LRRC37A2: variants seen among roughly 807,000 people sequenced by gnomAD.
LRRC37A2 encodes leucine-rich repeat-containing protein 37A2.
In LRRC37A2, 9 loss-of-function variants were observed where a neutral mutation model predicts 68.8. The observed-to-expected ratio is 0.13, with a 90% confidence interval of 0.08 to 0.23. The LOEUF is 0.23. Ranked by LOEUF, LRRC37A2 falls within the 10% of genes least tolerant of loss-of-function variation. The pLI, the probability that LRRC37A2 is intolerant of heterozygous loss-of-function variation, is 1.00. For missense variants in LRRC37A2, 168 were observed against 950.4 expected (o/e 0.18, Z 10.82); for synonymous variants, 63 against 367.6 (o/e 0.17, Z 9.48).
At chr17:46,943,060 G>A in the LRRC37A2 span, among the ~76,000 whole-genome samples, 1,151 of 152,304 alleles carry the variant, frequency 7.6e-3, 5 homozygotes, top group South Asian at 0.014. Context: ...GAGTGCAGCC[G>A]GGGCATTGGG....
the LRRC37A2 span, among the ~76,000 whole-genome samples, chr17:46,790,218 C>A: frequency 6.6e-6 from 1 of 152,154 alleles, no homozygotes; most frequent in African/African-American, 2.4e-5. Context: ...TTGCAACAGG[C>A]GCCTGGGTTT....
the LRRC37A2 span, chr17:46,923,169 G>T: frequency 2.0e-6 from 3 of 1,482,556 alleles, no homozygotes; most frequent in Non-Finnish European, 1.8e-6. Context: ...CAGAGCCGGA[G>T]CCGTGGCCTG....
chr17:47,000,081 T>TAA, the LRRC37A2 span, among the ~76,000 whole-genome samples: 79 of 15,270 alleles, frequency 5.2e-3, 2 homozygotes, highest in African/African-American at 0.013. Flanking sequence ...AAATAAAAAA[T>TAA]AAAATAAAAT....
the LRRC37A2 span, among the ~76,000 whole-genome samples, chr17:46,826,317 C>A: frequency 6.6e-6 from 1 of 152,222 alleles, no homozygotes; most frequent in Non-Finnish European, 1.5e-5. Context: ...TGGATGGAGG[C>A]CCAGTGGGCT....
At chr17:46,986,907 A>G in the LRRC37A2 span, among the ~76,000 whole-genome samples, 2 of 137,848 alleles carry the variant, frequency 1.5e-5, no homozygotes, top group Non-Finnish European at 3.2e-5. Context: ...GCAGTCCCAC[A>G]GAGGAATAGC....
chr17:46,979,157 C>T, the LRRC37A2 span: 1 of 852,966 alleles, frequency 1.2e-6, no homozygotes, highest in Non-Finnish European at 1.6e-6. Flanking sequence ...TGCCTGCGCG[C>T]TCTCGGGCCG....
chr17:47,042,151 A>T, the LRRC37A2 span: 1 of 143,928 alleles, frequency 6.9e-6, no homozygotes, highest in Non-Finnish European at 1.5e-5. Flanking sequence ...CCACAGACTA[A>T]TTAACTATTT....
the LRRC37A2 span, among the ~76,000 whole-genome samples, chr17:46,800,442 A>C: frequency 6.6e-6 from 1 of 152,198 alleles, no homozygotes; most frequent in South Asian, 2.1e-4. Flanking sequence ...TGCTCCTGCA[A>C]CACTCAGGAT....
the LRRC37A2 span, chr17:47,017,241 C>T: frequency 1.1e-5 from 18 of 1,611,774 alleles, no homozygotes; most frequent in Middle Eastern, 2.3e-4. Context: ...GTCCCGGCTG[C>T]GTTTCTGGGG....
chr17:46,830,629 A>C, the LRRC37A2 span: 1 of 398,634 alleles, frequency 2.5e-6, no homozygotes, highest in Non-Finnish European at 4.4e-6. Flanking sequence ...TTTTTTCTCC[A>C]GAATTTAAGA....
the LRRC37A2 span, among the ~76,000 whole-genome samples, chr17:46,873,016 G>A: frequency 2.6e-5 from 4 of 151,782 alleles, no homozygotes; most frequent in Admixed American, 1.3e-4. Context: ...AAGAGAGGAG[G>A]AGACACAAGC....
the LRRC37A2 span, chr17:47,019,452 G>T: frequency 1.9e-6 from 3 of 1,608,610 alleles, no homozygotes; most frequent in South Asian, 3.3e-5. Context: ...CCTAGGGCTT[G>T]CCATAACTCC....
the LRRC37A2 span, among the ~76,000 whole-genome samples, chr17:46,794,790 A>G: frequency 1.5e-5 from 2 of 136,968 alleles, no homozygotes; most frequent in East Asian, 4.2e-4. Flanking sequence ...TTGCTCTGTC[A>G]CTCAGGCTGG....
At chr17:46,895,257 C>G in the LRRC37A2 span, among the ~76,000 whole-genome samples, 1 of 152,254 alleles carries the variant, frequency 6.6e-6, no homozygotes, top group East Asian at 1.9e-4. Flanking sequence ...CCCACCCTAG[C>G]CCCACAAGTG....
chr17:46,388,315 G>A, the LRRC37A2 span, among the ~76,000 whole-genome samples: 1 of 29,408 alleles, frequency 3.4e-5, no homozygotes, highest in African/African-American at 1.1e-4. Context: ...TTGGGAGGCT[G>A]AGGTGGGCGG....
At chr17:46,775,861 C>G in the LRRC37A2 span, among the ~76,000 whole-genome samples, 1 of 152,066 alleles carries the variant, frequency 6.6e-6, no homozygotes, top group African/African-American at 2.4e-5. Flanking sequence ...GATCCACACA[C>G]CTCGGCCTCC....
the LRRC37A2 span, among the ~76,000 whole-genome samples, chr17:46,456,499 T>G: frequency 0.15 from 2,542 of 16,650 alleles, 10 homozygotes; most frequent in Middle Eastern, 0.29. Flanking sequence ...ACTGGCAGCA[T>G]TTCCCCCTCA....
At chr17:46,803,100 C>T in the LRRC37A2 span, among the ~76,000 whole-genome samples, 210 of 152,308 alleles carry the variant, frequency 1.4e-3, no homozygotes, top group Middle Eastern at 0.01. Context: ...GATTAGAGGA[C>T]GCTGGCTGAT....
At chr17:46,928,899 T>G in the LRRC37A2 span, among the ~76,000 whole-genome samples, 1 of 152,152 alleles carries the variant, frequency 6.6e-6, no homozygotes. Flanking sequence ...CTTACCTGGT[T>G]TCTCTTTCTC....
Sources: gnomAD v4.1 joint callset for allele counts (sites outside exome capture counted in the v4.1 genomes callset) on GRCh38, gnomAD v4.1.1 for gene constraint, MANE v1.5 for transcripts, NCBI Gene and HGNC (gene_info 2026-07-23, HGNC 2026-07-21) for gene names.